DMD: variants seen among roughly 807,000 people sequenced by gnomAD.
The protein encoded by DMD is mutant dystrophin.
Under a neutral mutation model 330.1 loss-of-function variants are expected in DMD, and 63 were observed. The observed-to-expected ratio is 0.19, with a 90% CI of 0.16 to 0.24. DMD has a LOEUF of 0.24. Ranked by LOEUF, DMD falls within the 10% of genes least tolerant of loss-of-function variation. The pLI, the probability that DMD is intolerant of heterozygous loss-of-function variation, is 1.00. For missense variants in DMD, 3,344 were observed against 2,684.1 expected (o/e 1.25, Z -5.43); for synonymous variants, 1,223 against 959.8 (o/e 1.27, Z -5.07).
intron 41 of DMD, among the ~76,000 whole-genome samples, chrX:32,335,953 TA>T (rs1452793937): frequency 9.4e-6 from 1 of 106,663 alleles, no homozygotes; most frequent in Non-Finnish European, 1.9e-5. Context: ...GTGTATGTTA[TA>T]TATAACGTGT....
intron 43 of DMD, among the ~76,000 whole-genome samples, chrX:32,276,044 G>C (rs1292894051): frequency 8.9e-6 from 1 of 112,144 alleles, no homozygotes; most frequent in Non-Finnish European, 1.9e-5. Context: ...AGTGCAGAGA[G>C]GGAATCTTTG....
chrX:32,613,636 C>A (rs889758032), intron 12 of DMD, among the ~76,000 whole-genome samples: 1 of 110,366 alleles, frequency 9.1e-6, no homozygotes, highest in South Asian at 3.8e-4. Flanking sequence ...TAAAAAAAAT[C>A]GTAGCCTTAT....
intron 60 of DMD, among the ~76,000 whole-genome samples, chrX:31,396,123 T>G (rs764970435): frequency 9.6e-6 from 1 of 103,976 alleles, no homozygotes; most frequent in East Asian, 3.0e-4. Context: ...GGCCCTTAGC[T>G]TCCAAAGATG....
At chrX:32,519,154 T>C (rs2046170794) in intron 17 of DMD, among the ~76,000 whole-genome samples, 1 of 105,298 alleles carries the variant, frequency 9.5e-6, no homozygotes. Context: ...AGACTATGAA[T>C]AGCCTTTCAT....
intron 2 of DMD, among the ~76,000 whole-genome samples, chrX:32,872,211 C>T (rs185165422): frequency 7.2e-5 from 8 of 111,414 alleles, no homozygotes; most frequent in African/African-American, 9.8e-5. Flanking sequence ...CTAATGCCAT[C>T]ATGACCAACT....
chrX:33,266,236 G>A (rs2053038810), intron 1 of DMD, among the ~76,000 whole-genome samples: 1 of 111,458 alleles, frequency 9.0e-6, no homozygotes, highest in African/African-American at 3.3e-5. Flanking sequence ...CCTAAAGATA[G>A]CTGACAAGGC....
intron 29 of DMD, among the ~76,000 whole-genome samples, chrX:32,429,339 A>C (rs1294248199): frequency 1.3e-5 from 1 of 78,802 alleles, no homozygotes; most frequent in Admixed American, 1.6e-4. Context: ...CCTCCCGAGT[A>C]GTTGGGATTA....
rs369773215 is a variant in DMD, at chrX:31,172,319, C to T, written c.10394+29G>A. 542 of 1,073,181 alleles carry T rather than the reference C, an allele frequency of 5.1e-4. No individual in the cohort carries two copies. The highest frequency in any genetic ancestry group is 5.2e-4 in the Non-Finnish European group (404 of 771,505). The allele number at this position is 1,073,181 out of a possible 1,213,427, so 88.4% of individuals were successfully genotyped here. The stretch of plus-strand genomic sequence containing the variant: ...CTCAAAGCAATTTCATTGTCAGGAA[C>T]ATTTTGTAAAAAGAGATGGGATACT... On this transcript the variant is annotated intron_variant, in intron 73 of 78. Coordinates refer to ENST00000357033, the MANE Select transcript of DMD (RefSeq NM_004006.3).
intron 17 of DMD, among the ~76,000 whole-genome samples, chrX:32,528,591 C>A (rs774825751): frequency 5.0e-4 from 56 of 111,509 alleles, no homozygotes; most frequent in Non-Finnish European, 8.8e-4. Context: ...TGGTTCAGGC[C>A]AAGAAGGGAA....
Position 32,644,217 on chromosome X carries a change from C to T in DMD, c.1246G>A (p.Glu416Lys). Reference protein sequence around the residue: ...LIGTGKLSEDEETEVQEQMNL... With the variant: ...LIGTGKLSEDKETEVQEQMNL... ...ATCTGCTCTTGTACTTCAGTTTCTT[C>T]ATCTTCTGATAATTTTCCTGTTCCA... Residue 416 changes from glutamate to lysine, a missense_variant, in exon 11 of 79, where the codon GAA (glutamate) becomes AAA (lysine). Coordinates refer to ENST00000357033, the MANE Select transcript of DMD (RefSeq NM_004006.3). 8.3e-7 allele frequency: 1 copy of T among 1,210,599 alleles called. No homozygotes were observed. The highest frequency in any genetic ancestry group is 1.1e-6 in the Non-Finnish European group (1 of 894,533).
At chrX:33,339,278 T>C in exon 1 of DMD, 1 of 1,027,297 alleles carries the variant, frequency 9.7e-7, no homozygotes, top group Non-Finnish European at 1.3e-6. Context: ...CAGCTGTTTT[T>C]CCTGTCACTC....
At chrX:32,463,392 T>C in intron 25 of DMD, 47 bp downstream of exon 25, 1 of 1,120,112 alleles carries the variant, frequency 8.9e-7, no homozygotes, top group Non-Finnish European at 1.2e-6. Context: ...TAGGAAATCT[T>C]AGTTAAGTAC....
intron 2 of DMD, among the ~76,000 whole-genome samples, chrX:32,881,008 G>A (rs1295622211): frequency 1.8e-5 from 2 of 112,885 alleles, no homozygotes; most frequent in East Asian, 2.8e-4. Flanking sequence ...ATGATTGTAT[G>A]CAATTCTTTT....
intron 60 of DMD, among the ~76,000 whole-genome samples, chrX:31,361,391 T>C (rs2058928248): frequency 2.7e-5 from 3 of 111,378 alleles, no homozygotes; most frequent in African/African-American, 9.8e-5. Flanking sequence ...ACATGAAAAA[T>C]TTCTTTTCTC....
In DMD at chrX:32,247,053, T is replaced by C. The variant is rs954614932; in HGVS notation, c.6291-29990A>G. The stretch of plus-strand genomic sequence containing the variant: ...AGCCATGTAGGTAATTTAAATTCAG[T>C]TGTTGAACCAAGTTTGAAAACGATT... On this transcript the variant is annotated intron_variant, in intron 43 of 78. Transcript: ENST00000357033. 2.7e-5 allele frequency among the ~76,000 whole-genome samples: 3 copies of C among 111,952 alleles called. No homozygotes were observed. In the East Asian group the frequency reaches 8.4e-4, roughly 31 times the overall value.
chrX:32,887,140 G>A (rs1193151645), intron 2 of DMD, among the ~76,000 whole-genome samples: 5 of 110,782 alleles, frequency 4.5e-5, no homozygotes, highest in Non-Finnish European at 9.4e-5. Flanking sequence ...GAGGTCAGGA[G>A]ATCGAGACCA....
At chrX:33,245,100 A>C (rs2052644961) in intron 1 of DMD, among the ~76,000 whole-genome samples, 1 of 111,556 alleles carries the variant, frequency 9.0e-6, no homozygotes, top group Non-Finnish European at 1.9e-5. Context: ...TTTAAACATA[A>C]AATAAGCTAG....
At chrX:31,947,263 C>T (rs1439723861) in intron 45 of DMD, among the ~76,000 whole-genome samples, 1 of 111,454 alleles carries the variant, frequency 9.0e-6, no homozygotes, top group Non-Finnish European at 1.9e-5. Flanking sequence ...GCATCTAGGA[C>T]TACAGGCTTG....
chrX:31,930,690 A>G (rs1168479263), intron 46 of DMD, among the ~76,000 whole-genome samples: 1 of 112,421 alleles, frequency 8.9e-6, no homozygotes, highest in African/African-American at 3.2e-5. Flanking sequence ...TATTTTCATC[A>G]TCACGGGAGT....
Sources: allele counts gnomAD v4.1 joint callset (sites outside exome capture counted in the v4.1 genomes callset), GRCh38; gene constraint gnomAD v4.1.1; transcripts MANE v1.5; gene names NCBI Gene and HGNC (gene_info 2026-07-23, HGNC 2026-07-21).